Variants in APBA1 observed in about 807,000 individuals in gnomAD.
APBA1 encodes amyloid-beta A4 precursor protein-binding family A member 1.
Under a neutral mutation model 86.6 loss-of-function variants are expected in APBA1, and 55 were observed. The ratio of observed to expected loss-of-function variants is 0.64; its 90% CI spans 0.51 to 0.80. The LOEUF is 0.80. Ranked by LOEUF, APBA1 falls within the 30% of genes least tolerant of loss-of-function variation. APBA1 has a pLI of 0.00. For synonymous variants in APBA1, 511 were observed against 493.9 expected (o/e 1.03, Z -0.46); for missense variants, 1,090 against 1,183.0 (o/e 0.92, Z 1.15).
chr9:69,435,978 A>G (rs9802111), intron 11 of APBA1, among the ~76,000 whole-genome samples: 9,259 of 151,952 alleles, frequency 0.061, 971 homozygotes, highest in African/African-American at 0.21. Context: ...AAGGGACCCA[A>G]TTTCAGCTTT....
rs748330338 is a variant in APBA1 at position 69,658,282 on chromosome 9, TTCTCTCTC to T, written c.-70+13863_-70+13870del. Among the ~76,000 whole-genome samples, 138 of 39,780 alleles carry T rather than the reference TTCTCTCTC, an allele frequency of 3.5e-3. 2 individuals are homozygous for T. Among genetic ancestry groups the T allele is most frequent in the African/African-American group, 6.9e-3 (110 of 15,922 alleles). The allele number at this position is 39,780 out of a possible 152,430, so 26.1% of individuals were successfully genotyped here. A position where few individuals can be genotyped will look rare whatever the true frequency, so the allele number is the denominator to read the frequency against. On this transcript the variant is annotated intron_variant, in intron 1 of 12. Coordinates refer to ENST00000265381, the MANE Select transcript of APBA1 (RefSeq NM_001163.4). ...TTTCTTTCTTTCTTTCTTTCTTTCT[TTCTCTCTC>T]TCTTTCTCTCTCTCTCTTTCTTTCT...
chr9:69,631,989 T>C (rs1291829696), intron 1 of APBA1, among the ~76,000 whole-genome samples: 1 of 151,942 alleles, frequency 6.6e-6, no homozygotes, highest in East Asian at 1.9e-4. Flanking sequence ...ATGGCACATG[T>C]ATACATATGT....
rs1032133268 is a variant in APBA1 at position 69,592,422 on chromosome 9, G to A, written c.-69-75143C>T. ...GCCAGCCTGGGTAACATAGTGAGGC[G>A]CTGTCGCTACAAAACATTTAAAAAT... On this transcript the variant is annotated intron_variant, in intron 1 of 12. Transcript: ENST00000265381. 2.6e-5 allele frequency among the ~76,000 whole-genome samples: 4 copies of A among 152,092 alleles called. No individual in the cohort carries two copies. In the South Asian group the frequency reaches 8.3e-4, roughly 32 times the overall value.
chr9:69,433,454 G>A (rs557862477), intron 11 of APBA1, among the ~76,000 whole-genome samples: 9 of 152,380 alleles, frequency 5.9e-5, no homozygotes, highest in African/African-American at 2.2e-4. Context: ...GCAACATGCT[G>A]TGTGATTCTG....
intron 1 of APBA1, among the ~76,000 whole-genome samples, chr9:69,623,024 T>A (rs1049991409): frequency 6.6e-6 from 1 of 152,146 alleles, no homozygotes; most frequent in African/African-American, 2.4e-5. Context: ...AGGGGTCCTC[T>A]CCAAAGACTG....
intron 12 of APBA1, 26 bp downstream of exon 12, chr9:69,432,498 GGCCCTCAGCACC>G: frequency 5.5e-6 from 8 of 1,450,352 alleles, no homozygotes; most frequent in Non-Finnish European, 7.3e-6. Flanking sequence ...CACCAGACGC[GGCCCTCAGCACC>G]ACCCTCAGCC....
intron 1 of APBA1, among the ~76,000 whole-genome samples, chr9:69,559,555 C>T (rs1472485598): frequency 6.6e-6 from 1 of 152,134 alleles, no homozygotes; most frequent in African/African-American, 2.4e-5. Flanking sequence ...TCTTTCCTAT[C>T]ACTGTGTATT....
intron 1 of APBA1, among the ~76,000 whole-genome samples, chr9:69,658,346 C>CTTTCTGTG (rs1823680506): frequency 7.2e-6 from 1 of 139,664 alleles, no homozygotes; most frequent in Non-Finnish European, 1.6e-5. Flanking sequence ...TTCTTTCTTT[C>CTTTCTGTG]TTTCTTTCTT....
chr9:69,665,962 C>T (rs1823834235), intron 1 of APBA1, among the ~76,000 whole-genome samples: 1 of 152,220 alleles, frequency 6.6e-6, no homozygotes, highest in African/African-American at 2.4e-5. Flanking sequence ...TCTCGAACTC[C>T]TGACCTCAAG....
intron 12 of APBA1, among the ~76,000 whole-genome samples, chr9:69,432,002 CTGACAGCAGTGATGAA>C (rs879384731): frequency 2.6e-4 from 40 of 151,696 alleles, no homozygotes; most frequent in Middle Eastern, 3.4e-3. Context: ...GCAGTGATGA[CTGACAGCAGTGATGAA>C]TGACAGCAGT....
At chr9:69,662,033 C>T (rs1823763059) in intron 1 of APBA1, among the ~76,000 whole-genome samples, 1 of 151,640 alleles carries the variant, frequency 6.6e-6, no homozygotes, top group Admixed American at 6.6e-5. Flanking sequence ...CACACACACA[C>T]ACACACACAC....
At chr9:69,612,146 A>T (rs186840416) in intron 1 of APBA1, among the ~76,000 whole-genome samples, 1 of 152,184 alleles carries the variant, frequency 6.6e-6, no homozygotes, top group East Asian at 1.9e-4. Flanking sequence ...AAACATCTTT[A>T]TCATCTGATT....
In APBA1 at chr9:69,467,914, T is replaced by A. The variant is rs781678474; in HGVS notation, c.1391A>T (p.Asn464Ile). The A allele has an allele frequency of 8.1e-6, 13 of 1,614,008 alleles. No homozygotes were observed. Among genetic ancestry groups the A allele is most frequent in the Non-Finnish European group, 1.1e-5 (13 of 1,180,030 alleles). ...GAGCAGCTGAGTGGAGCCAAGGTAA[T>A]TGGCGGCAAAAATGATTCCATCGAT... ...DLIDGIIFAA[N>I]YLGSTQLLSD... Residue 464 changes from asparagine (N) to isoleucine (I), a missense_variant, in exon 5 of 13, where the codon AAT becomes ATT. By Grantham distance (149) the Asn-to-Ile change is moderately radical. Transcript: ENST00000265381.
At chr9:69,572,911 TTAAC>T in intron 1 of APBA1, among the ~76,000 whole-genome samples, 1 of 152,332 alleles carries the variant, frequency 6.6e-6, no homozygotes, top group South Asian at 2.1e-4. Flanking sequence ...GTTTTATGAT[TTAAC>T]TATTTTCTTT....
intron 1 of APBA1, among the ~76,000 whole-genome samples, chr9:69,572,092 AT>A (rs1588371026): frequency 6.6e-6 from 1 of 152,148 alleles, no homozygotes; most frequent in South Asian, 2.1e-4. Flanking sequence ...AATTTGATTT[AT>A]TTTTTAAATT....
chr9:69,581,410 C>G (rs767797063), intron 1 of APBA1, among the ~76,000 whole-genome samples: 1 of 152,048 alleles, frequency 6.6e-6, no homozygotes, highest in Non-Finnish European at 1.5e-5. Context: ...GAAGTTCTGC[C>G]TCCTTTGGAA....
chr9:69,618,443 C>T (rs762925866), intron 1 of APBA1, among the ~76,000 whole-genome samples: 11 of 152,180 alleles, frequency 7.2e-5, no homozygotes, highest in Non-Finnish European at 1.2e-4. Flanking sequence ...CAACTCAAAG[C>T]TCACAATATG....
chr9:69,483,181 C>T (rs936109656), intron 2 of APBA1, among the ~76,000 whole-genome samples: 11 of 146,396 alleles, frequency 7.5e-5, no homozygotes, highest in South Asian at 6.6e-4. Flanking sequence ...AAGAATTCCA[C>T]AGCAATGGTC....
intron 2 of APBA1, among the ~76,000 whole-genome samples, chr9:69,491,572 G>A (rs1835711294): frequency 6.6e-6 from 1 of 150,376 alleles, no homozygotes. Context: ...CCTGCACATT[G>A]TGCACATGTA....
Sources: gnomAD v4.1 joint callset for allele counts (sites outside exome capture counted in the v4.1 genomes callset) on GRCh38, gnomAD v4.1.1 for gene constraint, MANE v1.5 for transcripts, NCBI Gene and HGNC (gene_info 2026-07-23, HGNC 2026-07-21) for gene names.